The following PPM1E variants were observed in gnomAD, a reference collection of about 807,000 sequenced individuals.
The protein encoded by PPM1E is protein phosphatase, Mg2+/Mn2+ dependent 1E.
A neutral mutation model predicts 65.9 loss-of-function variants in PPM1E; 20 were observed. That is an observed-to-expected ratio of 0.30 (90% CI 0.21 to 0.44). The LOEUF is 0.44. Among genes scored for constraint, PPM1E ranks in the 20% least tolerant of loss-of-function variants. The pLI is 1.00. For missense variants in PPM1E, 713 were observed against 953.1 expected (o/e 0.75, Z 3.32); for synonymous variants, 352 against 374.9 (o/e 0.94, Z 0.70).
chr17:58,772,013 A>C (rs1246389851), intron 1 of PPM1E, among the ~76,000 whole-genome samples: 1 of 152,098 alleles, frequency 6.6e-6, no homozygotes, highest in Admixed American at 6.6e-5. Flanking sequence ...GTTATTCTCT[A>C]TTTTTCAGAT....
Position 58,982,824 on chromosome 17 carries a change from G to A in PPM1E, c.*1793G>A. 2 of 1,291,602 alleles carry A rather than the reference G, an allele frequency of 1.5e-6. No individual in the cohort carries two copies. Among genetic ancestry groups the A allele is most frequent in the Non-Finnish European group, 2.2e-6 (2 of 913,572 alleles). The allele number at this position is 1,291,602 out of a possible 1,614,324, so 80.0% of individuals were successfully genotyped here. A position where few individuals can be genotyped will look rare whatever the true frequency, so the allele number is the denominator to read the frequency against. On this transcript the variant is annotated 3_prime_UTR_variant, in exon 7 of 7. Transcript: ENST00000308249. Reference sequence around the variant, plus strand: ...GCCGGAACCTTTTCATCATTCTGAGGCTTTGCCCCACACATGGTCCTCACT... The same window carrying A: ...GCCGGAACCTTTTCATCATTCTGAGACTTTGCCCCACACATGGTCCTCACT...
intron 1 of PPM1E, among the ~76,000 whole-genome samples, chr17:58,946,754 A>G (rs983307455): frequency 7.2e-5 from 11 of 152,134 alleles, no homozygotes; most frequent in African/African-American, 2.7e-4. Context: ...CAGATTTGCA[A>G]ATATTTTCTA....
intron 1 of PPM1E, among the ~76,000 whole-genome samples, chr17:58,814,813 T>C (rs991487405): frequency 3.3e-5 from 5 of 152,222 alleles, no homozygotes; most frequent in African/African-American, 1.2e-4. Context: ...ATAGCTGTAT[T>C]CTAATAAAAC....
intron 1 of PPM1E, among the ~76,000 whole-genome samples, chr17:58,896,292 T>C (rs886178717): frequency 2.6e-5 from 4 of 151,742 alleles, no homozygotes; most frequent in African/African-American, 9.7e-5. Flanking sequence ...GGTCAGAAGC[T>C]TGAGAAGTCT....
intron 1 of PPM1E, among the ~76,000 whole-genome samples, chr17:58,815,844 A>G (rs2050409639): frequency 6.6e-6 from 1 of 152,070 alleles, no homozygotes; most frequent in Non-Finnish European, 1.5e-5. Flanking sequence ...TATAGTTGTC[A>G]TTTTAACTGT....
chr17:58,794,424 CTT>C (rs767737918), intron 1 of PPM1E, among the ~76,000 whole-genome samples: 11 of 152,044 alleles, frequency 7.2e-5, no homozygotes, highest in Non-Finnish European at 1.5e-4. Context: ...TTATTTTTAA[CTT>C]TTAGCTTCAG....
intron 1 of PPM1E, among the ~76,000 whole-genome samples, chr17:58,945,815 G>A (rs1468117774): frequency 6.6e-6 from 1 of 152,190 alleles, no homozygotes; most frequent in East Asian, 1.9e-4. Context: ...GAGATATACA[G>A]GGTGAGGTCC....
At chr17:58,790,354 C>T (rs1023272399) in intron 1 of PPM1E, among the ~76,000 whole-genome samples, 11 of 152,142 alleles carry the variant, frequency 7.2e-5, no homozygotes, top group Middle Eastern at 6.8e-3. Context: ...CTGTGCCCAG[C>T]GCGGCTCTTG....
At chr17:58,878,683 AG>A (rs2051154813) in intron 1 of PPM1E, among the ~76,000 whole-genome samples, 1 of 151,482 alleles carries the variant, frequency 6.6e-6, no homozygotes, top group Admixed American at 6.6e-5. Flanking sequence ...CTGTAATCCC[AG>A]CACTTTGGGA....
intron 1 of PPM1E, among the ~76,000 whole-genome samples, chr17:58,946,953 GTTTTAGCTTTACA>G (rs1429310725): frequency 6.6e-6 from 1 of 151,696 alleles, no homozygotes; most frequent in Non-Finnish European, 1.5e-5. Flanking sequence ...AGTTTTATGA[GTTTTAGCTTTACA>G]TTTAGGTCTG....
At chr17:58,779,001 G>T (rs2050025812) in intron 1 of PPM1E, among the ~76,000 whole-genome samples, 1 of 139,250 alleles carries the variant, frequency 7.2e-6, no homozygotes, top group African/African-American at 2.6e-5. Flanking sequence ...ACACTTTCAA[G>T]TGAGCACTTT....
intron 1 of PPM1E, among the ~76,000 whole-genome samples, chr17:58,941,116 GTAAGACA>G (rs1279055432): frequency 6.6e-6 from 1 of 152,180 alleles, no homozygotes; most frequent in Non-Finnish European, 1.5e-5. Flanking sequence ...GTTAATCAGA[GTAAGACA>G]TGACAGAAAG....
chr17:58,921,949 A>G (rs2051757144), intron 1 of PPM1E, among the ~76,000 whole-genome samples: 1 of 151,722 alleles, frequency 6.6e-6, no homozygotes. Flanking sequence ...CTGAGGCAGG[A>G]GAATTGCTTG....
chr17:58,809,479 C>T (rs1375195758), intron 1 of PPM1E, among the ~76,000 whole-genome samples: 3 of 152,074 alleles, frequency 2.0e-5, no homozygotes, highest in African/African-American at 7.2e-5. Flanking sequence ...CCTTACCTCC[C>T]AGACTCAATC....
Position 58,962,083 on chromosome 17 carries a change from G to A in PPM1E, c.584-3611G>A, listed in dbSNP as rs186788449. On this transcript the variant is annotated intron_variant, in intron 2 of 6. Transcript: ENST00000308249. ...GTGGATCACCTGAGGTCAGGATTTC[G>A]AGACCAGCCTGACTAACATGGAGAA... Among the ~76,000 whole-genome samples, 35 of 152,128 alleles carry A rather than the reference G, an allele frequency of 2.3e-4. No homozygotes were observed. The East Asian group carries it at 6.4e-3, about 28-fold the overall frequency.
Position 58,980,486 on chromosome 17 carries a change from A to G in PPM1E, c.1723A>G (p.Ile575Val), listed in dbSNP as rs774553877. Residue 575 changes from isoleucine (I) to valine (V), a missense_variant, in exon 7 of 7, where the codon ATA becomes GTA. Around this residue, in one of 6 missense-constraint regions of PPM1E, gnomAD observed 286 missense variants for 313.8 expected, o/e 0.91. Transcript: ENST00000308249. The surrounding 1 kb of genome is among the most constrained non-coding windows in gnomAD (Gnocchi z 4.7). ...EDPGYLDLTQIEASKPHSAQF... is the reference protein window; with the variant it reads ...EDPGYLDLTQVEASKPHSAQF... ...CCCAGGCTACCTAGATCTCACACAA[A>G]TAGAAGCAAGCAAACCTCACAGTGC... 8 of 1,614,104 alleles carry G rather than the reference A, an allele frequency of 5.0e-6. No individual in the cohort carries two copies. In the Admixed American group the frequency reaches 1.3e-4, roughly 27 times the overall value.
intron 1 of PPM1E, among the ~76,000 whole-genome samples, chr17:58,947,899 A>T (rs921761705): frequency 1.3e-5 from 2 of 152,090 alleles, no homozygotes; most frequent in Non-Finnish European, 1.5e-5. Flanking sequence ...GTGAACTTAC[A>T]TGTCAAGCAA....
intron 1 of PPM1E, among the ~76,000 whole-genome samples, chr17:58,812,441 T>C (rs1284005107): frequency 2.0e-5 from 3 of 152,156 alleles, no homozygotes; most frequent in Non-Finnish European, 4.4e-5. Flanking sequence ...TTGAAGTCGT[T>C]GCACATCATT....
chr17:58,855,015 T>C (rs2050867137), intron 1 of PPM1E, among the ~76,000 whole-genome samples: 1 of 152,178 alleles, frequency 6.6e-6, no homozygotes, highest in Admixed American at 6.5e-5. Context: ...GTAATTGATG[T>C]ATTCCTGGAA....
Sources: gnomAD v4.1 joint callset for allele counts (sites outside exome capture counted in the v4.1 genomes callset) on GRCh38, gnomAD v4.1.1 for gene constraint, gnomAD v4.1.1 regional missense constraint, Gnocchi (gnomAD v3.1) non-coding constraint, MANE v1.5 for transcripts, NCBI Gene and HGNC (gene_info 2026-07-23, HGNC 2026-07-21) for gene names.